FRMD5: variants seen among roughly 807,000 people sequenced by gnomAD.
The protein encoded by FRMD5 is FERM domain containing 5, also known as FERM domain-containing protein 5.
In FRMD5, 20 loss-of-function variants were observed where a neutral mutation model predicts 69.0. The ratio of observed to expected loss-of-function variants is 0.29; its 90% confidence interval spans 0.20 to 0.42. The LOEUF is 0.42. FRMD5 is among the 10% of genes least tolerant of loss of function. The pLI, the probability that FRMD5 is intolerant of heterozygous loss-of-function variation, is 1.00. For synonymous variants in FRMD5, 271 were observed against 260.1 expected, an observed-to-expected ratio of 1.04 and a Z score of -0.40; for missense variants, 595 against 708.6, an observed-to-expected ratio of 0.84 and a Z score of 1.82.
chr15:43,879,913 G>A (rs868131125), intron 13 of FRMD5: 31 of 348,738 alleles, frequency 8.9e-5, no homozygotes, highest in African/African-American at 4.2e-4. Context: ...AGAGGCCACC[G>A]TTATCAGGGG....
intron 1 of FRMD5, among the ~76,000 whole-genome samples, chr15:43,973,011 T>C (rs897828718): frequency 2.6e-5 from 4 of 151,146 alleles, no homozygotes; most frequent in African/African-American, 9.9e-5. Flanking sequence ...TTAGTTAATA[T>C]CCTTTTCTTG....
intron 1 of FRMD5, among the ~76,000 whole-genome samples, chr15:44,054,838 G>A (rs558251583): frequency 2.6e-5 from 4 of 152,114 alleles, no homozygotes; most frequent in South Asian, 4.2e-4. Context: ...TTGGGAGGCC[G>A]AGGCGGGCAC....
At chr15:44,182,260 C>T (rs1477466709) in intron 1 of FRMD5, among the ~76,000 whole-genome samples, 3 of 151,888 alleles carry the variant, frequency 2.0e-5, no homozygotes, top group African/African-American at 7.3e-5. Flanking sequence ...ATCTGCCCAC[C>T]TTGGCCTCCC....
At chr15:43,964,501 A>AAAC (rs10647509) in intron 1 of FRMD5, among the ~76,000 whole-genome samples, 1 of 112,948 alleles carries the variant, frequency 8.9e-6, no homozygotes, top group South Asian at 2.5e-4. Context: ...ACAAACAAAC[A>AAAC]AAAAAAAAAA....
In FRMD5 at chr15:43,875,804, GTTTTTTT is replaced by G. The variant is rs34063043; in HGVS notation, c.1136-1349_1136-1343del. 93 of 210,624 alleles carry G rather than the reference GTTTTTTT, an allele frequency of 4.4e-4. 2 individuals are homozygous for G. The highest frequency in any genetic ancestry group is 2.0e-3 in the East Asian group (25 of 12,236). The allele number at this position is 210,624 out of a possible 1,614,324, so 13.0% of individuals were successfully genotyped here. On this transcript the variant is annotated intron_variant, in intron 13 of 13. Coordinates refer to ENST00000417257, the MANE Select transcript of FRMD5 (RefSeq NM_032892.5). ...TCTTGCCTTTGGTGTCCTGGGCCTAGTTTTTTTTTTTTTTTTTTTTTTTCTTTCAGTC... is the reference window on the plus strand; with the variant it reads ...TCTTGCCTTTGGTGTCCTGGGCCTAGTTTTTTTTTTTTTTTTCTTTCAGTC...
rs2078270777 is a variant in FRMD5 at position 44,195,207 on chromosome 15, C to T, written c.-153G>A. 2 of 570,454 alleles carry T rather than the reference C, an allele frequency of 3.5e-6. No individual in the cohort carries two copies. 35.3% of individuals were successfully genotyped at this position (570,454 alleles called of 1,614,324 possible). A position where few individuals can be genotyped will look rare whatever the true frequency, so the allele number is the denominator to read the frequency against. On this transcript the variant is annotated 5_prime_UTR_variant, in exon 1 of 14. Transcript: ENST00000417257. Reference sequence around the variant, plus strand: ...GCCTCCTGCTGGCCTCGTTCCTCCTCCTTATCCTCCTCCTTCCCTCAGCCG... The same window carrying T: ...GCCTCCTGCTGGCCTCGTTCCTCCTTCTTATCCTCCTCCTTCCCTCAGCCG...
chr15:44,072,615 T>G (rs1192014236), intron 1 of FRMD5, among the ~76,000 whole-genome samples: 1 of 152,210 alleles, frequency 6.6e-6, no homozygotes, highest in African/African-American at 2.4e-5. Flanking sequence ...TGTTTTTGCT[T>G]TTGTAGGACA....
At chr15:43,952,900 G>C (rs2090059014) in intron 1 of FRMD5, among the ~76,000 whole-genome samples, 1 of 152,174 alleles carries the variant, frequency 6.6e-6, no homozygotes, top group African/African-American at 2.4e-5. Flanking sequence ...AAGCAGAATT[G>C]AGAAAAAAAG....
At chr15:44,073,312 G>A (rs1191987787) in intron 1 of FRMD5, among the ~76,000 whole-genome samples, 1 of 146,564 alleles carries the variant, frequency 6.8e-6, no homozygotes, top group Non-Finnish European at 1.5e-5. Flanking sequence ...GTGTATAAGA[G>A]CAAACTTAAT....
intron 1 of FRMD5, among the ~76,000 whole-genome samples, chr15:44,063,322 T>A (rs1023533066): frequency 1.3e-5 from 2 of 152,264 alleles, no homozygotes; most frequent in African/African-American, 2.4e-5. Context: ...TCAAGAAATG[T>A]CATTTCAGTT....
Position 44,084,665 on chromosome 15 carries a change from C to T in FRMD5, c.102+110288G>A, listed in dbSNP as rs574640065. ...TGTCACATTCTTATAAGTTTTCTCTCTTCTCCAGGCTAATAATCCTTTAGC... is the reference window on the plus strand; with the variant it reads ...TGTCACATTCTTATAAGTTTTCTCTTTTCTCCAGGCTAATAATCCTTTAGC... On this transcript the variant is annotated intron_variant, in intron 1 of 13. Transcript: ENST00000417257. 2.2e-4 allele frequency among the ~76,000 whole-genome samples: 34 copies of T among 152,226 alleles called. 2 individuals carry two copies. The South Asian group carries it at 7.0e-3, about 32-fold the overall frequency.
At chr15:44,068,363 G>A (rs1278418911) in intron 1 of FRMD5, among the ~76,000 whole-genome samples, 5 of 152,156 alleles carry the variant, frequency 3.3e-5, no homozygotes, top group Non-Finnish European at 4.4e-5. Flanking sequence ...TGATGAATGA[G>A]TAAAGAAAAT....
chr15:43,959,760 T>A (rs1172064189), intron 1 of FRMD5, among the ~76,000 whole-genome samples: 1 of 152,228 alleles, frequency 6.6e-6, no homozygotes, highest in African/African-American at 2.4e-5. Context: ...GAGATTTTTT[T>A]TTCCTAGACA....
intron 1 of FRMD5, among the ~76,000 whole-genome samples, chr15:44,153,688 G>T (rs2077481889): frequency 6.6e-6 from 1 of 152,232 alleles, no homozygotes; most frequent in African/African-American, 2.4e-5. Flanking sequence ...AATGGTTAAG[G>T]CCGGGCATGG....
chr15:43,874,519 A>G, intron 13 of FRMD5, 57 bp from the exon 14 acceptor site: 1 of 1,332,464 alleles, frequency 7.5e-7, no homozygotes. Context: ...TTTGCTTTCC[A>G]GTAGCACCCA....
rs1890891608 is a variant in FRMD5 at position 44,014,983 on chromosome 15, C to G, written c.103-90674G>C. On this transcript the variant is annotated intron_variant, in intron 1 of 13. Coordinates refer to ENST00000417257, the MANE Select transcript of FRMD5 (RefSeq NM_032892.5). ...AAGGTGGGTATGGTTTATTAAATATCAGTAAAAACCATAGTACTATCTTCA... is the reference window on the plus strand; with the variant it reads ...AAGGTGGGTATGGTTTATTAAATATGAGTAAAAACCATAGTACTATCTTCA... Among the ~76,000 whole-genome samples, 7 of 152,190 alleles carry G rather than the reference C, an allele frequency of 4.6e-5. No homozygotes were observed. In the South Asian group the frequency reaches 1.5e-3, roughly 32 times the overall value.
chr15:44,173,704 G>C (rs2077844533), intron 1 of FRMD5, among the ~76,000 whole-genome samples: 1 of 151,982 alleles, frequency 6.6e-6, no homozygotes, highest in Admixed American at 6.6e-5. Context: ...AGTAGAGACA[G>C]GGTTTCACCA....
At chr15:44,021,028 C>T (rs921063808) in intron 1 of FRMD5, among the ~76,000 whole-genome samples, 1 of 152,176 alleles carries the variant, frequency 6.6e-6, no homozygotes, top group African/African-American at 2.4e-5. Context: ...GTGGCTCACA[C>T]CTATAATCCC....
intron 1 of FRMD5, among the ~76,000 whole-genome samples, chr15:44,129,445 T>G (rs1003228460): frequency 6.6e-6 from 1 of 152,216 alleles, no homozygotes; most frequent in East Asian, 1.9e-4. Flanking sequence ...TTGTCCTGTT[T>G]CTGAAGAATC....
Sources: gnomAD v4.1 joint callset for allele counts (sites outside exome capture counted in the v4.1 genomes callset) on GRCh38, gnomAD v4.1.1 for gene constraint, MANE v1.5 for transcripts, NCBI Gene and HGNC (gene_info 2026-07-23, HGNC 2026-07-21) for gene names.